Variants in SHISA2 observed in about 807,000 individuals in gnomAD.
The protein encoded by SHISA2 is shisa family member 2, also known as protein shisa-2 homolog.
A neutral mutation model predicts 23.8 loss-of-function variants in SHISA2; 16 were observed. The ratio of observed to expected loss-of-function variants is 0.67; its 90% confidence interval spans 0.46 to 1.02. The LOEUF is 1.02. Ranked by LOEUF, SHISA2 falls within the 50% of genes least tolerant of loss-of-function variation. The pLI is 0.00. For missense variants in SHISA2, 459 were observed against 420.1 expected (o/e 1.09, Z -0.81); for synonymous variants, 201 against 178.6 (o/e 1.13, Z -1.00).
At position 26,046,583 on chromosome 13, in the gene SHISA2, T is replaced by C; in HGVS notation, c.818A>G (p.Tyr273Cys). The change falls in exon 2 of 2, where the codon TAC (tyrosine) becomes TGC (cysteine). Residue 273 changes from tyrosine to cysteine, a missense_variant. Tyr to Cys is a radical substitution (Grantham distance 194). Transcript: ENST00000319420. ...AGGGAAGGGGGACTGAATCTGCCTG[T>C]AGCCAGGCTGCAGGCCGTCCATGAA... ...PPFMDGLQPG[Y>C]RQIQSPFPHT... 1 of 1,614,088 alleles carries C rather than the reference T, an allele frequency of 6.2e-7. No homozygotes were observed. The highest frequency in any genetic ancestry group is 8.5e-7 in the Non-Finnish European group (1 of 1,180,008).
intron 1 of SHISA2, 48 bp from the exon 2 acceptor site, chr13:26,047,114 C>T: frequency 6.7e-7 from 1 of 1,486,278 alleles, no homozygotes. Flanking sequence ...TCTAGGAACA[C>T]AGTACCAATC....
chr13:26,050,214 G>C (rs755040500), intron 1 of SHISA2, among the ~76,000 whole-genome samples: 6 of 152,146 alleles, frequency 3.9e-5, no homozygotes, highest in Non-Finnish European at 7.4e-5. Flanking sequence ...AAGCCCTGAG[G>C]AGCTGCCTTC....
intron 1 of SHISA2, 83 bp downstream of exon 1, chr13:26,050,559 T>C (rs4770910): frequency 0.21 from 277,611 of 1,294,918 alleles, 30,809 homozygotes; most frequent in South Asian, 0.34. Context: ...TTTCCTGAAT[T>C]TCCCCCCTTC....
In SHISA2 at chr13:26,046,810, C is replaced by T. The variant is rs765112519; in HGVS notation, c.591G>A (p.Ala197=). The stretch of plus-strand genomic sequence containing the variant: ...AGTTGGTCTGTGACCTTGTTGGGGG[C>T]GCCCGGGCCCCTGAGTTGGCGCTGG... ...SSSSANSGAR[A]PPTRSQTNCC... The change falls in exon 2 of 2, where the codon GCG becomes GCA. Residue 197 remains alanine, a synonymous_variant. Coordinates refer to ENST00000319420, the MANE Select transcript of SHISA2 (RefSeq NM_001007538.2). 3.2e-5 allele frequency: 51 copies of T among 1,614,120 alleles called. No individual in the cohort carries two copies. The highest frequency in any genetic ancestry group is 1.3e-4 in the South Asian group (12 of 91,072).
Position 26,050,674 on chromosome 13 carries a change from C to T in SHISA2, c.302G>A (p.Arg101Gln). ...GCCGTCGGGGCCGTCTTTGTCCGCC[C>T]GGCCAGGCTCGCCAGCGCCCTGCTG... ...DRQQGAGEPG[R>Q]ADKDGPDGSA... Residue 101 changes from arginine to glutamine, a missense_variant, in exon 1 of 2, where the codon CGG becomes CAG. By Grantham distance (43) the Arg-to-Gln change is conservative (BLOSUM62 1). Coordinates refer to ENST00000319420, the MANE Select transcript of SHISA2 (RefSeq NM_001007538.2). The T allele has an allele frequency of 1.4e-6, 2 of 1,452,858 alleles. No homozygotes were observed. The highest frequency in any genetic ancestry group is 1.8e-6 in the Non-Finnish European group (2 of 1,111,312). The allele number at this position is 1,452,858 out of a possible 1,614,324, so 90.0% of individuals were successfully genotyped here.
At position 26,046,681 on chromosome 13, in the gene SHISA2, C is replaced by A. The variant is rs1488919115; in HGVS notation, c.720G>T (p.Gly240=). 3 of 1,614,100 alleles carry A rather than the reference C, an allele frequency of 1.9e-6. No homozygotes were observed. In the African/African-American group the frequency reaches 4.0e-5, roughly 22 times the overall value. ...CCACGTATGGGGGATGCAGATACTG[C>A]CCTTGATGTGGCACAATCTGGGTGG... The part of the protein sequence containing the change: ...QQATQIVPHQ[G]QYLHPPYVGY... The change falls in exon 2 of 2, where the codon GGG becomes GGT. Residue 240 remains glycine, a synonymous_variant. Coordinates refer to ENST00000319420, the MANE Select transcript of SHISA2 (RefSeq NM_001007538.2).
Position 26,050,700 on chromosome 13 carries a change from G to A in SHISA2, c.276C>T (p.Arg92=), listed in dbSNP as rs1423121559. The change falls in exon 1 of 2, where the codon CGC becomes CGT. Residue 92 remains arginine, a synonymous_variant. Coordinates refer to ENST00000319420, the MANE Select transcript of SHISA2 (RefSeq NM_001007538.2). ...GGCCAGGCTCGCCAGCGCCCTGCTG[G>A]CGGTCATTGTCGCAGCCGCCCTGGT... The part of the protein sequence containing the change: ...RLDQGGCDND[R]QQGAGEPGRA... The A allele has an allele frequency of 2.0e-6, 3 of 1,476,554 alleles. No individual in the cohort carries two copies. Among genetic ancestry groups the A allele is most frequent in the Non-Finnish European group, 2.7e-6 (3 of 1,121,146 alleles). 91.5% of individuals were successfully genotyped at this position (1,476,554 alleles called of 1,614,324 possible).
At chr13:26,049,648 C>T (rs1377636699) in intron 1 of SHISA2, among the ~76,000 whole-genome samples, 4 of 152,078 alleles carry the variant, frequency 2.6e-5, no homozygotes, top group Non-Finnish European at 4.4e-5. Flanking sequence ...CGAAAGGGAA[C>T]GGCACTGAAA....
At chr13:26,050,022 A>C (rs909316404) in intron 1 of SHISA2, among the ~76,000 whole-genome samples, 1 of 151,756 alleles carries the variant, frequency 6.6e-6, no homozygotes, top group Admixed American at 6.6e-5. Context: ...ATTTGAAAGA[A>C]AAAAAAAATC....
chr13:26,049,440 C>A (rs765290080), intron 1 of SHISA2, among the ~76,000 whole-genome samples: 2 of 152,142 alleles, frequency 1.3e-5, no homozygotes, highest in Non-Finnish European at 2.9e-5. Context: ...TTTTGGAGAC[C>A]ATTAATGAGC....
rs1957305388 is a variant in SHISA2 at position 26,051,629 on chromosome 13, G to T, written c.-654C>A. 6.6e-6 allele frequency among the ~76,000 whole-genome samples: 1 copy of T among 152,158 alleles called. No homozygotes were observed. The highest frequency in any genetic ancestry group is 1.9e-4 in the East Asian group (1 of 5,134). On this transcript the variant is annotated 5_prime_UTR_variant, in exon 1 of 2. Coordinates refer to ENST00000319420, the MANE Select transcript of SHISA2 (RefSeq NM_001007538.2). ...CGACGCTCCACTCGGCGGGGCCGAC[G>T]GCCAATCTTCCCAGCACGTCGCCGA...
intron 1 of SHISA2, among the ~76,000 whole-genome samples, chr13:26,048,454 T>C (rs1957280144): frequency 6.6e-6 from 1 of 152,128 alleles, no homozygotes. Context: ...GCCACTTTTG[T>C]GGAATTCTAC....
chr13:26,050,965 G>C lies in SHISA2; in HGVS notation c.11C>G (p.Ala4Gly). 6.6e-7 allele frequency: 1 copy of C among 1,511,086 alleles called. No homozygotes were observed. The highest frequency in any genetic ancestry group is 8.8e-7 in the Non-Finnish European group (1 of 1,137,202). 93.6% of individuals were successfully genotyped at this position (1,511,086 alleles called of 1,614,324 possible). Residue 4 changes from alanine to glycine, a missense_variant, in exon 1 of 2, where the codon GCT becomes GGT. Transcript: ENST00000319420. ...GGATGAGGAGACGGACGAGCGGCGA[G>C]CGCCCCACATGGCACCACCCTGGGC... MWG[A>G]RRSSVSSSWN...
chr13:26,050,508 A>T, intron 1 of SHISA2, 134 bp downstream of exon 1: 3 of 926,360 alleles, frequency 3.2e-6, no homozygotes, highest in Non-Finnish European at 4.5e-6. Context: ...CCGACCAAAT[A>T]ATAAGCCAGA....
At position 26,050,986 on chromosome 13, in the gene SHISA2, T is replaced by A. The variant is rs940880109; in HGVS notation, c.-11A>T. On this transcript the variant is annotated 5_prime_UTR_variant, in exon 1 of 2. Transcript: ENST00000319420. ...GCGAGCGCCCCACATGGCACCACCC[T>A]GGGCGCGGACAGCGCGTCTCCAGAG... is the stretch of plus-strand genomic sequence containing the variant. The A allele has an allele frequency of 6.7e-7, 1 of 1,491,858 alleles. No individual in the cohort carries two copies. The allele number at this position is 1,491,858 out of a possible 1,614,324, so 92.4% of individuals were successfully genotyped here.
intron 1 of SHISA2, among the ~76,000 whole-genome samples, chr13:26,049,701 A>G (rs1421545466): frequency 6.6e-6 from 1 of 152,110 alleles, no homozygotes; most frequent in Non-Finnish European, 1.5e-5. Context: ...CTCTATAAAC[A>G]CAAACTACGC....
chr13:26,044,671 T>G lies in SHISA2; in HGVS notation c.*1842A>C, dbSNP rs1178711147. 1 of 152,206 alleles carries G rather than the reference T, an allele frequency of 6.6e-6. No individual in the cohort carries two copies. Among genetic ancestry groups the G allele is most frequent in the Non-Finnish European group, 1.5e-5 (1 of 68,034 alleles). The allele number at this position is 152,206 out of a possible 1,614,324, so 9.4% of individuals were successfully genotyped here. On this transcript the variant is annotated 3_prime_UTR_variant, in exon 2 of 2. Coordinates refer to ENST00000319420, the MANE Select transcript of SHISA2 (RefSeq NM_001007538.2). ...TTGGTTATTAAAAAATGAGTATCAT[T>G]GATGATACCAATTGCCAACACTGGT...
In SHISA2 at chr13:26,051,921, G is replaced by C. The variant is rs1299775636; in HGVS notation, c.-946C>G. Among the ~76,000 whole-genome samples, 1 of 152,154 alleles carries C rather than the reference G, an allele frequency of 6.6e-6. No individual in the cohort carries two copies. Among genetic ancestry groups the C allele is most frequent in the African/African-American group, 2.4e-5 (1 of 41,444 alleles). ...GTGCGCACCGATGGAAGCCTCCCAC[G>C]GAAGTTTCTTTCCTCCGGGCTACGG... On this transcript the variant is annotated 5_prime_UTR_variant, in exon 1 of 2. Transcript: ENST00000319420.
rs1339905235 is a variant in SHISA2 at position 26,046,207 on chromosome 13, G to A, written c.*306C>T. The A allele has an allele frequency of 4.0e-6, 1 of 250,316 alleles. No homozygotes were observed. Among genetic ancestry groups the A allele is most frequent in the Non-Finnish European group, 7.6e-6 (1 of 131,336 alleles). The allele number at this position is 250,316 out of a possible 1,614,324, so 15.5% of individuals were successfully genotyped here. ...CATAATAAAAATCCTTAATTTATCA[G>A]TTTATAAAATTCTTTCGTCAACCAT... On this transcript the variant is annotated 3_prime_UTR_variant, in exon 2 of 2. Transcript: ENST00000319420.
Sources: gnomAD v4.1 joint callset for allele counts (sites outside exome capture counted in the v4.1 genomes callset) on GRCh38, gnomAD v4.1.1 for gene constraint, MANE v1.5 for transcripts, NCBI Gene and HGNC (gene_info 2026-07-23, HGNC 2026-07-21) for gene names.